Variants in AFAP1 observed in about 807,000 individuals in gnomAD.
AFAP1 encodes actin filament associated protein 1.
AFAP1 carries 75 observed loss-of-function variants against 93.9 expected under a neutral mutation model. The ratio of observed to expected loss-of-function variants is 0.80; its 90% CI spans 0.66 to 0.97. AFAP1 has a LOEUF of 0.97. AFAP1 is among the 50% of genes least tolerant of loss of function. The probability of loss-of-function intolerance (pLI) is 0.00; values close to 1 mark genes in which losing one functional copy is unlikely to be tolerated. For missense variants in AFAP1, 1,201 were observed against 1,050.8 expected (o/e 1.14, Z -1.98); for synonymous variants, 517 against 430.7 (o/e 1.20, Z -2.48).
At chr4:7,923,385 C>T (rs1433986557) in intron 1 of AFAP1, among the ~76,000 whole-genome samples, 2 of 152,206 alleles carry the variant, frequency 1.3e-5, no homozygotes, top group Admixed American at 6.5e-5. Context: ...AAGGTGTCGG[C>T]CAACTCAGTT....
chr4:7,822,634 G>C (rs1721073435), intron 6 of AFAP1, among the ~76,000 whole-genome samples: 1 of 145,908 alleles, frequency 6.9e-6, no homozygotes, highest in African/African-American at 2.6e-5. Flanking sequence ...GCCCAGGCTG[G>C]AGTGCAGTGG....
At chr4:7,888,158 C>T (rs1284810187) in intron 1 of AFAP1, among the ~76,000 whole-genome samples, 1 of 152,218 alleles carries the variant, frequency 6.6e-6, no homozygotes, top group Non-Finnish European at 1.5e-5. Context: ...TTCAGGAATG[C>T]TTTGTTTCAA....
chr4:7,932,808 T>C (rs1226212810), intron 1 of AFAP1, among the ~76,000 whole-genome samples: 3 of 151,756 alleles, frequency 2.0e-5, no homozygotes, highest in Admixed American at 6.6e-5. Context: ...GATCATAAGG[T>C]CAGGAGTTTT....
intron 1 of AFAP1, among the ~76,000 whole-genome samples, chr4:7,925,048 A>T (rs961061612): frequency 6.6e-6 from 1 of 151,678 alleles, no homozygotes; most frequent in South Asian, 2.1e-4. Context: ...CTCATCTGCC[A>T]CTCACTTGCA....
intron 1 of AFAP1, among the ~76,000 whole-genome samples, chr4:7,935,106 G>A (rs1051312198): frequency 1.1e-4 from 17 of 151,962 alleles, no homozygotes; most frequent in Non-Finnish European, 2.2e-4. Context: ...AAACATTTGG[G>A]ATTTCAAAGG....
At chr4:7,800,137 T>G (rs1718882686) in intron 10 of AFAP1, among the ~76,000 whole-genome samples, 2 of 152,196 alleles carry the variant, frequency 1.3e-5, no homozygotes, top group Non-Finnish European at 2.9e-5. Context: ...GATTGTGTAT[T>G]TAATTTCCCT....
intron 6 of AFAP1, among the ~76,000 whole-genome samples, chr4:7,826,179 G>A (rs1292327928): frequency 6.6e-6 from 1 of 152,208 alleles, no homozygotes; most frequent in Non-Finnish European, 1.5e-5. Flanking sequence ...CATACCTGTT[G>A]ACAATTCAAG....
At chr4:7,891,597 C>A (rs1181785999) in intron 1 of AFAP1, among the ~76,000 whole-genome samples, 1 of 152,010 alleles carries the variant, frequency 6.6e-6, no homozygotes. Context: ...AATTCCTAAT[C>A]ACAGGCTCTA....
chr4:7,824,011 G>T (rs1052995218), intron 6 of AFAP1, among the ~76,000 whole-genome samples: 8 of 152,238 alleles, frequency 5.3e-5, no homozygotes, highest in Non-Finnish European at 7.3e-5. Flanking sequence ...CAACCAGTCG[G>T]AGAGGTCAGG....
At chr4:7,780,934 C>T (rs912180355) in intron 13 of AFAP1, among the ~76,000 whole-genome samples, 1 of 152,134 alleles carries the variant, frequency 6.6e-6, no homozygotes, top group Non-Finnish European at 1.5e-5. Context: ...AGAAACACTA[C>T]CACACTCTGA....
Position 7,775,215 on chromosome 4 carries a change from A to T in AFAP1, c.1898-312T>A, listed in dbSNP as rs1021225436. On this transcript the variant is annotated intron_variant, in intron 14 of 17. Transcript: ENST00000420658. ...GTTGAATCAGCCAACTCAGTAAACA[A>T]ACACAAAGCATTATTTTGCTAATTC... 12 of 258,934 alleles carry T rather than the reference A, an allele frequency of 4.6e-5. 2 individuals are homozygous for T. The highest frequency in any genetic ancestry group is 1.2e-3 in the Middle Eastern group (1 of 846). 16.0% of individuals were successfully genotyped at this position (258,934 alleles called of 1,614,324 possible). A position where few individuals can be genotyped will look rare whatever the true frequency, so the allele number is the denominator to read the frequency against.
intron 16 of AFAP1, chr4:7,772,437 T>C (rs568346511): frequency 9.3e-5 from 16 of 172,274 alleles, no homozygotes; most frequent in Non-Finnish European, 1.7e-4. Flanking sequence ...TCATTTCAGT[T>C]TCCCCAGCAC....
chr4:7,825,550 A>G (rs1721346647), intron 6 of AFAP1, among the ~76,000 whole-genome samples: 1 of 152,242 alleles, frequency 6.6e-6, no homozygotes, highest in African/African-American at 2.4e-5. Flanking sequence ...CTGAATAATA[A>G]AAGTACAAAA....
intron 1 of AFAP1, among the ~76,000 whole-genome samples, chr4:7,896,381 A>T (rs1718768284): frequency 6.6e-6 from 1 of 151,968 alleles, no homozygotes; most frequent in Non-Finnish European, 1.5e-5. Flanking sequence ...AAAATAAAGC[A>T]AGCACCTCCA....
intron 1 of AFAP1, among the ~76,000 whole-genome samples, chr4:7,935,775 G>A (rs1378403980): frequency 6.6e-6 from 1 of 152,144 alleles, no homozygotes; most frequent in Non-Finnish European, 1.5e-5. Context: ...CCCTGTTTGG[G>A]ACCCCGGCCA....
chr4:7,807,793 G>C (rs910679929), intron 9 of AFAP1, among the ~76,000 whole-genome samples: 1 of 152,188 alleles, frequency 6.6e-6, no homozygotes, highest in South Asian at 2.1e-4. Flanking sequence ...CCGAGGAGCT[G>C]AGACTTTGCC....
intron 10 of AFAP1, among the ~76,000 whole-genome samples, chr4:7,796,229 G>A (rs544859285): frequency 6.6e-6 from 1 of 152,172 alleles, no homozygotes; most frequent in African/African-American, 2.4e-5. Context: ...TTTGGGGAAC[G>A]GCTGACTCCA....
chr4:7,847,591 G>C (rs1379959306), intron 4 of AFAP1, among the ~76,000 whole-genome samples: 2 of 152,218 alleles, frequency 1.3e-5, no homozygotes, highest in Non-Finnish European at 1.5e-5. Flanking sequence ...CCAGAGCTGT[G>C]GTCTAGGACT....
chr4:7,830,275 T>C (rs969096776), intron 6 of AFAP1, among the ~76,000 whole-genome samples: 6 of 131,222 alleles, frequency 4.6e-5, no homozygotes, highest in Non-Finnish European at 8.0e-5. Flanking sequence ...ATTGTACAAA[T>C]AATCTTGGAA....
Sources: allele counts gnomAD v4.1 joint callset (sites outside exome capture counted in the v4.1 genomes callset), GRCh38; gene constraint gnomAD v4.1.1; transcripts MANE v1.5; gene names NCBI Gene and HGNC (gene_info 2026-07-23, HGNC 2026-07-21).